The following ARHGAP24 variants were observed in gnomAD, a reference collection of about 807,000 sequenced individuals.
ARHGAP24 encodes rho GTPase-activating protein 24.
ARHGAP24 carries 50 observed loss-of-function variants against 76.4 expected under a neutral mutation model. That is an observed-to-expected ratio of 0.65 (90% CI 0.52 to 0.83). The LOEUF (loss-of-function observed/expected upper bound fraction) is 0.83, where lower values mean the gene tolerates loss of function less well. ARHGAP24 is among the 40% of genes least tolerant of loss of function. ARHGAP24 has a pLI of 0.00. For synonymous variants in ARHGAP24, 345 were observed against 323.3 expected, an observed-to-expected ratio of 1.07 and a Z score of -0.72; for missense variants, 930 against 914.2, an observed-to-expected ratio of 1.02 and a Z score of -0.22.
Position 85,501,874 on chromosome 4 carries a change from T to C in ARHGAP24, c.-21+26315T>C, listed in dbSNP as rs528430869. Reference sequence around the variant, plus strand: ...GTTTTAGGTCTAACATTAAAGTCTTTAATCCATCTTGAATTAATTTTTGTA... The same window carrying C: ...GTTTTAGGTCTAACATTAAAGTCTTCAATCCATCTTGAATTAATTTTTGTA... On this transcript the variant is annotated intron_variant, in intron 1 of 9. Coordinates refer to ENST00000395184, the MANE Select transcript of ARHGAP24 (RefSeq NM_001025616.3). 2.0e-5 allele frequency among the ~76,000 whole-genome samples: 3 copies of C among 152,348 alleles called. No homozygotes were observed. The East Asian group carries it at 5.8e-4, about 29-fold the overall frequency.
chr4:85,898,759 T>G (rs1281888013), intron 3 of ARHGAP24, among the ~76,000 whole-genome samples: 2 of 152,194 alleles, frequency 1.3e-5, no homozygotes, highest in Non-Finnish European at 2.9e-5. Context: ...TTTTTTTTCT[T>G]TTTTTGAGGA....
chr4:85,495,536 A>G (rs1448747734), intron 1 of ARHGAP24, among the ~76,000 whole-genome samples: 1 of 151,282 alleles, frequency 6.6e-6, no homozygotes, highest in African/African-American at 2.4e-5. Flanking sequence ...TATTTTTAGT[A>G]GAGACGGGTT....
chr4:85,516,000 C>G (rs1251802769), intron 1 of ARHGAP24, among the ~76,000 whole-genome samples: 2 of 152,082 alleles, frequency 1.3e-5, no homozygotes, highest in African/African-American at 4.8e-5. Context: ...GGAATAACAT[C>G]TTTTTATTAC....
At chr4:85,683,148 G>A (rs1186856832) in intron 2 of ARHGAP24, among the ~76,000 whole-genome samples, 1 of 140,274 alleles carries the variant, frequency 7.1e-6, no homozygotes, top group Non-Finnish European at 1.6e-5. Flanking sequence ...GTAAAAAGGT[G>A]GCAGTGAGAT....
chr4:85,582,041 ATTAAG>A (rs1727636921), intron 2 of ARHGAP24, among the ~76,000 whole-genome samples: 1 of 152,142 alleles, frequency 6.6e-6, no homozygotes, highest in African/African-American at 2.4e-5. Flanking sequence ...CTTTTTAAAA[ATTAAG>A]TTATCATAAT....
chr4:85,949,935 T>C (rs1286986079), intron 5 of ARHGAP24, among the ~76,000 whole-genome samples: 3 of 152,140 alleles, frequency 2.0e-5, no homozygotes, highest in Non-Finnish European at 4.4e-5. Context: ...GCCTTACAAG[T>C]CATGGGCAGA....
intron 3 of ARHGAP24, among the ~76,000 whole-genome samples, chr4:85,766,918 G>A (rs924414075): frequency 2.0e-5 from 3 of 152,088 alleles, no homozygotes; most frequent in African/African-American, 7.2e-5. Context: ...ATATGATACT[G>A]TTCCCATAAG....
intron 2 of ARHGAP24, among the ~76,000 whole-genome samples, chr4:85,708,606 A>C (rs942531386): frequency 6.6e-6 from 1 of 152,190 alleles, no homozygotes; most frequent in Non-Finnish European, 1.5e-5. Context: ...TGATGAATGC[A>C]TATCTTACTC....
chr4:85,826,387 A>T (rs1560654150), intron 3 of ARHGAP24, among the ~76,000 whole-genome samples: 1 of 152,184 alleles, frequency 6.6e-6, no homozygotes, highest in Non-Finnish European at 1.5e-5. Flanking sequence ...AATTTTGACT[A>T]GTCTTGTTCT....
At chr4:85,940,494 A>G (rs770524108) in intron 4 of ARHGAP24, among the ~76,000 whole-genome samples, 1 of 152,220 alleles carries the variant, frequency 6.6e-6, no homozygotes, top group African/African-American at 2.4e-5. Context: ...GAACAGGACT[A>G]TGCCACATGA....
chr4:85,648,714 C>T (rs190886487), intron 2 of ARHGAP24, among the ~76,000 whole-genome samples: 12 of 151,900 alleles, frequency 7.9e-5, no homozygotes, highest in Admixed American at 5.9e-4. Context: ...TGATTTATGT[C>T]GAATAAAATA....
chr4:85,682,872 A>G (rs1027068587), intron 2 of ARHGAP24, among the ~76,000 whole-genome samples: 9 of 152,138 alleles, frequency 5.9e-5, no homozygotes, highest in South Asian at 4.1e-4. Context: ...AAGGTAGCCA[A>G]TATACCTCAT....
intron 3 of ARHGAP24, among the ~76,000 whole-genome samples, chr4:85,896,433 C>T (rs1734183178): frequency 6.6e-6 from 1 of 152,182 alleles, no homozygotes; most frequent in African/African-American, 2.4e-5. Context: ...TCTGCAATCC[C>T]ATGCTGGGAA....
At chr4:85,954,791 T>C (rs780941428) in intron 5 of ARHGAP24, among the ~76,000 whole-genome samples, 25 of 152,204 alleles carry the variant, frequency 1.6e-4, no homozygotes, top group Non-Finnish European at 3.2e-4. Flanking sequence ...GTGTATCACC[T>C]GAGGTCGGGA....
At chr4:85,905,701 C>T (rs972390960) in intron 3 of ARHGAP24, among the ~76,000 whole-genome samples, 2 of 152,146 alleles carry the variant, frequency 1.3e-5, no homozygotes, top group African/African-American at 4.8e-5. Flanking sequence ...CACCTTACTC[C>T]TAAATGCATG....
intron 1 of ARHGAP24, among the ~76,000 whole-genome samples, chr4:85,490,457 G>A (rs1384027175): frequency 6.6e-6 from 1 of 152,092 alleles, no homozygotes; most frequent in Non-Finnish European, 1.5e-5. Context: ...TCTTGAGTTG[G>A]TAGTTCTTTT....
intron 3 of ARHGAP24, among the ~76,000 whole-genome samples, chr4:85,913,385 C>G (rs1437571764): frequency 6.6e-6 from 1 of 151,588 alleles, no homozygotes; most frequent in Non-Finnish European, 1.5e-5. Flanking sequence ...ATCTTGTAGT[C>G]TATATTCACA....
intron 2 of ARHGAP24, among the ~76,000 whole-genome samples, chr4:85,694,237 C>T (rs1165824116): frequency 6.6e-6 from 1 of 152,074 alleles, no homozygotes; most frequent in Non-Finnish European, 1.5e-5. Flanking sequence ...CCCTTCTCTT[C>T]AGCTCTTCTT....
At chr4:85,696,521 T>G (rs1723870860) in intron 2 of ARHGAP24, among the ~76,000 whole-genome samples, 1 of 152,244 alleles carries the variant, frequency 6.6e-6, no homozygotes, top group Non-Finnish European at 1.5e-5. Context: ...CTGAGTCATT[T>G]CAGATTCATG....
Sources: allele counts gnomAD v4.1 joint callset (sites outside exome capture counted in the v4.1 genomes callset), GRCh38; gene constraint gnomAD v4.1.1; transcripts MANE v1.5; gene names NCBI Gene and HGNC (gene_info 2026-07-23, HGNC 2026-07-21).